ARHGAP44: variants seen among roughly 807,000 people sequenced by gnomAD.
ARHGAP44 encodes rho GTPase-activating protein 44.
ARHGAP44 carries 43 observed loss-of-function variants against 106.8 expected under a neutral mutation model. The observed-to-expected ratio is 0.40, with a 90% CI of 0.32 to 0.52. ARHGAP44 has a LOEUF of 0.52. Ranked by LOEUF, ARHGAP44 falls within the 20% of genes least tolerant of loss-of-function variation. The pLI, the probability that ARHGAP44 is intolerant of heterozygous loss-of-function variation, is 0.48. For missense variants in ARHGAP44, 866 were observed against 1,050.5 expected, an observed-to-expected ratio of 0.82 and a Z score of 2.43; for synonymous variants, 439 against 410.3, an observed-to-expected ratio of 1.07 and a Z score of -0.85.
chr17:12,865,277 TA>T (rs2036202962), intron 1 of ARHGAP44, among the ~76,000 whole-genome samples: 1 of 152,088 alleles, frequency 6.6e-6, no homozygotes, highest in African/African-American at 2.4e-5. Flanking sequence ...AGATGATTTA[TA>T]CAAAAAAAAA....
chr17:12,841,594 T>TGTCTCTCTCTCA (rs1555546085), intron 1 of ARHGAP44, among the ~76,000 whole-genome samples: 16 of 126,574 alleles, frequency 1.3e-4, no homozygotes, highest in African/African-American at 5.6e-4. Context: ...TGTCTCTCTC[T>TGTCTCTCTCTCA]CACACACACA....
At position 12,861,015 on chromosome 17, in the gene ARHGAP44, C is replaced by A. The variant is rs1483101053; in HGVS notation, c.54-33925C>A. Among the ~76,000 whole-genome samples, 4 of 152,032 alleles carry A rather than the reference C, an allele frequency of 2.6e-5. No homozygotes were observed. The East Asian group carries it at 7.8e-4, about 29-fold the overall frequency. On this transcript the variant is annotated intron_variant, in intron 1 of 20. Coordinates refer to ENST00000379672, the MANE Select transcript of ARHGAP44 (RefSeq NM_014859.6). ...GGGACTACAGGTACGCACCACCATG[C>A]CCAGCTAACTTTTGTATTTTTGTAG... is the stretch of plus-strand genomic sequence containing the variant.
At chr17:12,868,333 A>G (rs1485455996) in intron 1 of ARHGAP44, among the ~76,000 whole-genome samples, 8 of 152,098 alleles carry the variant, frequency 5.3e-5, no homozygotes, top group African/African-American at 1.9e-4. Flanking sequence ...ATCCTCTTTT[A>G]AAGACCATAT....
At chr17:12,953,220 G>A (rs559314238) in intron 13 of ARHGAP44, among the ~76,000 whole-genome samples, 46 of 152,122 alleles carry the variant, frequency 3.0e-4, no homozygotes, top group Non-Finnish European at 5.3e-4. Context: ...TGTGTTCCAC[G>A]TCTGCCTCTC....
At chr17:12,914,818 C>A (rs6502216) in intron 4 of ARHGAP44, among the ~76,000 whole-genome samples, 24,380 of 142,018 alleles carry the variant, frequency 0.17, 2,931 homozygotes, top group East Asian at 0.38. Flanking sequence ...AAAAAAACCT[C>A]AAAAAAAAAA....
chr17:12,806,725 C>T (rs1246206405), intron 1 of ARHGAP44, among the ~76,000 whole-genome samples: 1 of 152,148 alleles, frequency 6.6e-6, no homozygotes, highest in African/African-American at 2.4e-5. Context: ...TTTTGTCAGC[C>T]TCAATTTTCT....
chr17:12,809,876 G>A (rs2034386676), intron 1 of ARHGAP44, among the ~76,000 whole-genome samples: 1 of 152,186 alleles, frequency 6.6e-6, no homozygotes, highest in Non-Finnish European at 1.5e-5. Flanking sequence ...TTGGTGCTTG[G>A]GCAAAGGGTG....
chr17:12,953,886 G>A lies in ARHGAP44; in HGVS notation c.1136+1305G>A, dbSNP rs371950052. Among the ~76,000 whole-genome samples the A allele has an allele frequency of 2.2e-4, 33 of 152,006 alleles. 4 individuals are homozygous for A. Among genetic ancestry groups the A allele is most frequent in the Admixed American group, 1.5e-3 (23 of 15,258 alleles). ...AGGAGACAGGAGATTATTGTTTTTT[G>A]TTTTGTTTTGTTTTTCTTGAGACAG... On this transcript the variant is annotated intron_variant, in intron 13 of 20. Transcript: ENST00000379672.
intron 1 of ARHGAP44, among the ~76,000 whole-genome samples, chr17:12,804,993 G>A (rs1445379294): frequency 1.3e-5 from 2 of 152,166 alleles, no homozygotes; most frequent in Admixed American, 1.3e-4. Context: ...TAAGTTCTCT[G>A]CTAGAAGTAT....
intron 14 of ARHGAP44, 81 bp downstream of exon 14, chr17:12,956,061 C>A: frequency 1.0e-6 from 1 of 956,966 alleles, no homozygotes; most frequent in Non-Finnish European, 1.6e-6. Context: ...CAGCTGGGGC[C>A]TAGCTGAGCA....
At chr17:12,799,134 T>A (rs1034653790) in intron 1 of ARHGAP44, among the ~76,000 whole-genome samples, 2 of 152,208 alleles carry the variant, frequency 1.3e-5, no homozygotes, top group African/African-American at 4.8e-5. Flanking sequence ...TCTCATTAGC[T>A]TTTGATCAGC....
chr17:12,810,837 C>T (rs1266849880), intron 1 of ARHGAP44, among the ~76,000 whole-genome samples: 1 of 152,088 alleles, frequency 6.6e-6, no homozygotes, highest in Non-Finnish European at 1.5e-5. Context: ...GAGACCAACC[C>T]CTTGTGCAGT....
chr17:12,984,079 CCT>C (rs756475043), intron 19 of ARHGAP44, among the ~76,000 whole-genome samples: 2 of 152,174 alleles, frequency 1.3e-5, no homozygotes, highest in Admixed American at 6.5e-5. Context: ...AGGACCTGCC[CCT>C]GTGTCAGGGC....
intron 1 of ARHGAP44, among the ~76,000 whole-genome samples, chr17:12,794,552 A>G (rs904676673): frequency 6.6e-6 from 1 of 152,196 alleles, no homozygotes; most frequent in African/African-American, 2.4e-5. Context: ...AGTGATGTTC[A>G]AAGTGTCTGG....
intron 1 of ARHGAP44, among the ~76,000 whole-genome samples, chr17:12,822,343 A>G (rs545431461): frequency 1.4e-5 from 2 of 144,340 alleles, no homozygotes; most frequent in African/African-American, 2.8e-5. Flanking sequence ...CTTGTGGACC[A>G]TAAAAATCCA....
intron 1 of ARHGAP44, among the ~76,000 whole-genome samples, chr17:12,793,747 G>A (rs1479323315): frequency 6.6e-6 from 1 of 151,010 alleles, no homozygotes; most frequent in Non-Finnish European, 1.5e-5. Context: ...CTAAAAGCAT[G>A]CTATGGTAAT....
At chr17:12,873,946 TAAATAAAA>T (rs1391832963) in intron 1 of ARHGAP44, among the ~76,000 whole-genome samples, 9 of 85,926 alleles carry the variant, frequency 1.0e-4, no homozygotes, top group African/African-American at 4.1e-4. Context: ...AATAAATAAA[TAAATAAAA>T]GAAAGAAAGA....
chr17:12,938,626 G>T (rs1015448021), intron 7 of ARHGAP44, among the ~76,000 whole-genome samples: 2 of 149,776 alleles, frequency 1.3e-5, no homozygotes, highest in Non-Finnish European at 3.0e-5. Flanking sequence ...GGGATTACAG[G>T]TTAATTTGGT....
At chr17:12,837,120 A>G (rs1442150695) in intron 1 of ARHGAP44, among the ~76,000 whole-genome samples, 1 of 152,266 alleles carries the variant, frequency 6.6e-6, no homozygotes, top group Non-Finnish European at 1.5e-5. Flanking sequence ...TAACAGAAAG[A>G]TAACTAGGAA....
Sources: allele counts gnomAD v4.1 joint callset (sites outside exome capture counted in the v4.1 genomes callset), GRCh38; gene constraint gnomAD v4.1.1; transcripts MANE v1.5; gene names NCBI Gene and HGNC (gene_info 2026-07-23, HGNC 2026-07-21).